Variants in NPHP4 observed in about 807,000 individuals in gnomAD.
NPHP4 encodes the protein nephrocystin-4.
In NPHP4, 151 loss-of-function variants were observed where a neutral mutation model predicts 155.8. The observed-to-expected ratio is 0.97, with a 90% confidence interval of 0.85 to 1.11. NPHP4 has a LOEUF of 1.11. Among genes scored for constraint, NPHP4 ranks in the 50% least tolerant of loss-of-function variants. NPHP4 has a pLI of 0.00. For synonymous variants in NPHP4, 845 were observed against 816.8 expected (o/e 1.03, Z -0.59); for missense variants, 1,956 against 1,925.7 (o/e 1.02, Z -0.29).
At chr1:5,924,584 A>G (rs1645902517) in intron 11 of NPHP4, among the ~76,000 whole-genome samples, 2 of 152,208 alleles carry the variant, frequency 1.3e-5, no homozygotes, top group Non-Finnish European at 2.9e-5. Flanking sequence ...ATCAGAGTTT[A>G]TAGTTAATTT....
intron 1 of NPHP4, among the ~76,000 whole-genome samples, chr1:5,988,740 A>G (rs1161224785): frequency 2.0e-5 from 3 of 150,312 alleles, no homozygotes; most frequent in African/African-American, 7.5e-5. Context: ...GCAGCCTGAG[A>G]GGGGCCTTGG....
In NPHP4 at chr1:5,964,917, TTA is replaced by T. The variant is rs4068402; in HGVS notation, c.517+2380_517+2381del. 2.9e-4 allele frequency among the ~76,000 whole-genome samples: 24 copies of T among 82,600 alleles called. 1 individual carries two copies. Among genetic ancestry groups the T allele is most frequent in the South Asian group, 7.6e-4 (2 of 2,616 alleles). 54.2% of individuals were successfully genotyped at this position (82,600 alleles called of 152,430 possible). ...ATATAAAATATATAATACATATATATTATATATATATATATATATATATATTT... is the reference window on the plus strand; with the variant it reads ...ATATAAAATATATAATACATATATATTATATATATATATATATATATATTT... On this transcript the variant is annotated intron_variant, in intron 5 of 29. Coordinates refer to ENST00000378156, the MANE Select transcript of NPHP4 (RefSeq NM_015102.5).
Position 5,892,892 on chromosome 1 carries a change from A to C in NPHP4, c.2144-1864T>G, listed in dbSNP as rs939914543. On this transcript the variant is annotated intron_variant, in intron 16 of 29. Coordinates refer to ENST00000378156, the MANE Select transcript of NPHP4 (RefSeq NM_015102.5). The surrounding 1 kb of genome is among the most constrained non-coding windows in gnomAD (Gnocchi z 4.5). ...CACCTCCTGCACCCCCTTCACAAACACCACGCCCCAGCCCGGCTGGAATCC... is the reference window on the plus strand; with the variant it reads ...CACCTCCTGCACCCCCTTCACAAACCCCACGCCCCAGCCCGGCTGGAATCC... Among the ~76,000 whole-genome samples, 1 of 151,910 alleles carries C rather than the reference A, an allele frequency of 6.6e-6. No individual in the cohort carries two copies. Among genetic ancestry groups the C allele is most frequent in the Non-Finnish European group, 1.5e-5 (1 of 67,976 alleles).
intron 26 of NPHP4, 24 bp from the exon 27 acceptor site, chr1:5,865,297 G>A: frequency 6.6e-7 from 1 of 1,513,586 alleles, no homozygotes; most frequent in Non-Finnish European, 8.9e-7. Flanking sequence ...GGAGCCATCT[G>A]CACTTGTCCC....
intron 23 of NPHP4, among the ~76,000 whole-genome samples, chr1:5,871,284 A>G (rs1260247618): frequency 1.3e-5 from 2 of 152,194 alleles, no homozygotes; most frequent in Non-Finnish European, 2.9e-5. Flanking sequence ...TTAACTTGAA[A>G]AGGATGGCGG....
In NPHP4 at chr1:5,877,119, A is replaced by G; in HGVS notation, c.2791T>C (p.Leu931=). ...AACACGCTCGTCCCGCGCCGGCCCAAGTCTCCCCCGGCCTCCTGCAGGCGC... is the reference window on the plus strand; with the variant it reads ...AACACGCTCGTCCCGCGCCGGCCCAGGTCTCCCCCGGCCTCCTGCAGGCGC... The part of the protein sequence containing the change: ...SVRLQEAGGD[L]GRRGTSVLAQ... The change falls in exon 20 of 30, where the codon TTG becomes CTG. Residue 931 remains leucine (L), a synonymous_variant. Transcript: ENST00000378156. The G allele has an allele frequency of 6.3e-6, 10 of 1,585,304 alleles. No individual in the cohort carries two copies. Among genetic ancestry groups the G allele is most frequent in the Non-Finnish European group, 8.6e-6 (10 of 1,158,402 alleles).
intron 3 of NPHP4, among the ~76,000 whole-genome samples, chr1:5,972,010 C>T (rs1438720385): frequency 6.6e-6 from 1 of 152,250 alleles, no homozygotes; most frequent in African/African-American, 2.4e-5. Context: ...CCTCGGGGCC[C>T]AGTTTCCATT....
intron 18 of NPHP4, chr1:5,881,857 G>A (rs374620534): frequency 6.6e-6 from 1 of 152,390 alleles, no homozygotes. Flanking sequence ...CCCTGCTTCA[G>A]TCTTTGTAAG....
chr1:5,873,022 G>A (rs533823131), intron 23 of NPHP4, among the ~76,000 whole-genome samples: 55 of 152,320 alleles, frequency 3.6e-4, no homozygotes, highest in African/African-American at 1.1e-3. Flanking sequence ...GTGAGAAGGC[G>A]GCCACCAAGG....
Position 5,909,213 on chromosome 1 carries a change from C to A in NPHP4, c.1442G>T (p.Ser481Ile). 6.2e-7 allele frequency: 1 copy of A among 1,601,544 alleles called. No homozygotes were observed. Among genetic ancestry groups the A allele is most frequent in the Non-Finnish European group, 8.5e-7 (1 of 1,174,364 alleles). The change falls in exon 12 of 30, where the codon AGC becomes ATC. Residue 481 changes from serine (S) to isoleucine (I), a missense_variant and splice_region_variant. Physicochemically the swap from Ser to Ile is moderately radical, Grantham distance 142 (BLOSUM62 -2). Transcript: ENST00000378156. ...PSRKPPTSPS[S>I]PPAPVPRVLA... ...AACTCGAGGTACTGGCGCTGGCGGG[C>A]CTGGGAGGAAGCACAGTGGGGTAGG...
At chr1:5,904,872 G>A in intron 15 of NPHP4, 68 bp from the exon 16 acceptor site, 2 of 1,474,046 alleles carry the variant, frequency 1.4e-6, no homozygotes, top group East Asian at 2.3e-5. Context: ...TCTAATGTGT[G>A]TTTGCATAGG....
chr1:5,986,082 T>C (rs1655434157), intron 2 of NPHP4, 73 bp downstream of exon 2: 14 of 1,526,800 alleles, frequency 9.2e-6, no homozygotes, highest in Non-Finnish European at 1.3e-5. Context: ...CCAGGGACCA[T>C]CCATCTGTTA....
chr1:5,870,515 C>T (rs945690935), intron 23 of NPHP4, among the ~76,000 whole-genome samples: 3 of 152,160 alleles, frequency 2.0e-5, no homozygotes, highest in Non-Finnish European at 4.4e-5. Context: ...GTCATCAGTG[C>T]ACACTGACAC....
In NPHP4 at chr1:5,895,732, A is replaced by G. The variant is rs1229437415; in HGVS notation, c.2144-4704T>C. ...TCCATTATCCCCTTTCCAGAACCAGAAAGAACCAAGGTTACTAATTGCTGA... is the reference window on the plus strand; with the variant it reads ...TCCATTATCCCCTTTCCAGAACCAGGAAGAACCAAGGTTACTAATTGCTGA... On this transcript the variant is annotated intron_variant, in intron 16 of 29. Transcript: ENST00000378156. Among the ~76,000 whole-genome samples, 4 of 152,230 alleles carry G rather than the reference A, an allele frequency of 2.6e-5. No individual in the cohort carries two copies. The East Asian group carries it at 7.7e-4, about 29-fold the overall frequency.
intron 4 of NPHP4, among the ~76,000 whole-genome samples, chr1:5,968,220 C>G (rs1019109344): frequency 8.5e-5 from 13 of 152,084 alleles, no homozygotes; most frequent in African/African-American, 3.1e-4. Context: ...ACAACTTTGG[C>G]CCATATCCAT....
chr1:5,865,674 G>A (rs1351541174), intron 26 of NPHP4: 2 of 178,564 alleles, frequency 1.1e-5, no homozygotes, highest in South Asian at 1.7e-4. Flanking sequence ...GGGTGGGGCT[G>A]GAGGTCATGC....
intron 11 of NPHP4, among the ~76,000 whole-genome samples, chr1:5,915,196 C>T (rs528630426): frequency 5.3e-5 from 8 of 152,172 alleles, no homozygotes; most frequent in Non-Finnish European, 1.0e-4. Context: ...AAGGCAGGGA[C>T]GGGCCAGGCC....
intron 3 of NPHP4, among the ~76,000 whole-genome samples, chr1:5,977,192 TGTTAAGAGTCAAACGTCAGCGTC>T (rs1653762716): frequency 6.6e-6 from 1 of 152,096 alleles, no homozygotes; most frequent in African/African-American, 2.4e-5. Context: ...CATCGCCGGC[TGTTAAGAGTCAAACGTCAGCGTC>T]CCTAAGAAGA....
intron 11 of NPHP4, among the ~76,000 whole-genome samples, chr1:5,918,654 T>C (rs1218531832): frequency 6.6e-6 from 1 of 152,148 alleles, no homozygotes; most frequent in Non-Finnish European, 1.5e-5. Context: ...CCTCCCAAGA[T>C]AGAAAGCGAA....
Sources: allele counts gnomAD v4.1 joint callset (sites outside exome capture counted in the v4.1 genomes callset), GRCh38; gene constraint gnomAD v4.1.1; non-coding constraint Gnocchi (gnomAD v3.1); transcripts MANE v1.5; gene names NCBI Gene and HGNC (gene_info 2026-07-23, HGNC 2026-07-21).